CFAP299: variants seen among roughly 807,000 people sequenced by gnomAD.
The protein encoded by CFAP299 is cilia- and flagella-associated protein 299.
CFAP299 carries 21 observed loss-of-function variants against 27.0 expected under a neutral mutation model. The observed-to-expected ratio is 0.78, with a 90% CI of 0.55 to 1.12. The LOEUF (loss-of-function observed/expected upper bound fraction) is 1.12, where lower values mean the gene tolerates loss of function less well. Ranked by LOEUF, CFAP299 falls within the 50% of genes most tolerant of loss-of-function variation. The probability of loss-of-function intolerance (pLI) is 0.00; values close to 1 mark genes in which losing one functional copy is unlikely to be tolerated. For missense variants in CFAP299, 310 were observed against 276.6 expected (o/e 1.12, Z -0.86); for synonymous variants, 104 against 98.1 (o/e 1.06, Z -0.36).
Position 80,635,553 on chromosome 4 carries a change from A to C in CFAP299, c.333+52370A>C, listed in dbSNP as rs10516644. 1.4e-3 allele frequency among the ~76,000 whole-genome samples: 206 copies of C among 152,302 alleles called. 3 individuals carry two copies. In the East Asian group the frequency reaches 0.032, roughly 24 times the overall value. ...TTAAAATTTAAGATAACTTCTCCAA[A>C]ACAAAATGGGTCACAGTTTTAATAT... On this transcript the variant is annotated intron_variant, in intron 3 of 5. Transcript: ENST00000358105.
chr4:80,662,551 T>C (rs1375534819), intron 3 of CFAP299, among the ~76,000 whole-genome samples: 1 of 152,152 alleles, frequency 6.6e-6, no homozygotes, highest in African/African-American at 2.4e-5. Flanking sequence ...AGTGGAGGGT[T>C]AAAGCAAAAT....
Position 80,784,718 on chromosome 4 carries a change from T to C in CFAP299, c.334-85275T>C, listed in dbSNP as rs539671702. Among the ~76,000 whole-genome samples the C allele has an allele frequency of 2.8e-4, 43 of 152,144 alleles. 1 individual carries two copies. The highest frequency in any genetic ancestry group is 9.9e-4 in the African/African-American group (41 of 41,516). On this transcript the variant is annotated intron_variant, in intron 3 of 5. Coordinates refer to ENST00000358105, the MANE Select transcript of CFAP299 (RefSeq NM_152770.3). ...TTCTAGTGGAGACTAGAAATGGGTTTCTCCATGTTGGTCAGTCTGGTCTCC... is the reference window on the plus strand; with the variant it reads ...TTCTAGTGGAGACTAGAAATGGGTTCCTCCATGTTGGTCAGTCTGGTCTCC...
Position 80,784,894 on chromosome 4 carries a change from A to G in CFAP299, c.334-85099A>G, listed in dbSNP as rs543714913. 6.6e-5 allele frequency among the ~76,000 whole-genome samples: 10 copies of G among 152,110 alleles called. 1 individual carries two copies. Among genetic ancestry groups the G allele is most frequent in the African/African-American group, 2.2e-4 (9 of 41,518 alleles). On this transcript the variant is annotated intron_variant, in intron 3 of 5. Transcript: ENST00000358105. ...CCTTTGCCCATTACTTAATCAGGTTATTTGTTTTTTTCCTAATGAGTTGTA... is the reference window on the plus strand; with the variant it reads ...CCTTTGCCCATTACTTAATCAGGTTGTTTGTTTTTTTCCTAATGAGTTGTA...
intron 4 of CFAP299, among the ~76,000 whole-genome samples, chr4:80,926,844 A>G (rs1736333695): frequency 6.6e-6 from 1 of 152,106 alleles, no homozygotes; most frequent in Non-Finnish European, 1.5e-5. Context: ...TAAAACATTG[A>G]ACATTTTATT....
intron 3 of CFAP299, among the ~76,000 whole-genome samples, chr4:80,620,749 C>G (rs556352503): frequency 3.4e-4 from 52 of 152,236 alleles, no homozygotes; most frequent in South Asian, 1.7e-3. Context: ...AGAAAGTCAA[C>G]AGAACACTGG....
intron 2 of CFAP299, among the ~76,000 whole-genome samples, chr4:80,366,559 C>G (rs1285146355): frequency 1.3e-5 from 2 of 152,094 alleles, no homozygotes; most frequent in Non-Finnish European, 1.5e-5. Context: ...CAATAGAAAA[C>G]AAGACTTAGT....
At chr4:80,928,261 G>C (rs757277243) in intron 4 of CFAP299, among the ~76,000 whole-genome samples, 6 of 152,068 alleles carry the variant, frequency 3.9e-5, no homozygotes, top group Admixed American at 6.6e-5. Flanking sequence ...CAGCCACAGT[G>C]TCTGAGCCTG....
intron 3 of CFAP299, among the ~76,000 whole-genome samples, chr4:80,674,064 A>G (rs1389601894): frequency 6.6e-6 from 1 of 152,128 alleles, no homozygotes; most frequent in African/African-American, 2.4e-5. Flanking sequence ...TCCTGTCATT[A>G]TGATGTTAGC....
At chr4:80,426,468 A>G (rs970190886) in intron 2 of CFAP299, among the ~76,000 whole-genome samples, 2 of 152,244 alleles carry the variant, frequency 1.3e-5, no homozygotes, top group Non-Finnish European at 2.9e-5. Flanking sequence ...AAGCTAGAAT[A>G]CAGTGAATTT....
At chr4:80,544,611 A>T (rs1734146483) in intron 2 of CFAP299, among the ~76,000 whole-genome samples, 1 of 152,326 alleles carries the variant, frequency 6.6e-6, no homozygotes, top group East Asian at 1.9e-4. Flanking sequence ...AATGATCAAA[A>T]AGGACAAAGA....
At chr4:80,436,297 CTTTTT>C (rs781551098) in intron 2 of CFAP299, among the ~76,000 whole-genome samples, 1 of 136,424 alleles carries the variant, frequency 7.3e-6, no homozygotes. Context: ...TGTGGGATAT[CTTTTT>C]TTTTTTTTTT....
chr4:80,641,351 C>T (rs1198011515), intron 3 of CFAP299, among the ~76,000 whole-genome samples: 1 of 151,984 alleles, frequency 6.6e-6, no homozygotes, highest in African/African-American at 2.4e-5. Context: ...ACTACAGGCA[C>T]ACACCACCAT....
intron 5 of CFAP299, among the ~76,000 whole-genome samples, chr4:80,956,856 T>G (rs1403781702): frequency 2.0e-5 from 3 of 152,102 alleles, no homozygotes; most frequent in Non-Finnish European, 4.4e-5. Flanking sequence ...GTAGAAAACT[T>G]TTGGCTATCA....
intron 3 of CFAP299, among the ~76,000 whole-genome samples, chr4:80,587,054 G>A (rs1010175726): frequency 4.6e-5 from 7 of 152,096 alleles, no homozygotes; most frequent in Admixed American, 2.0e-4. Context: ...ATAAGATTGC[G>A]TTGTATATGA....
rs1286525908 is a variant in CFAP299, at chr4:80,693,537, G to T, written c.333+110354G>T. ...ACAGGAAGGGGAACATCACACTCTG[G>T]GGACTGTGGTGGGGTGGGGGAGGGG... On this transcript the variant is annotated intron_variant, in intron 3 of 5. Coordinates refer to ENST00000358105, the MANE Select transcript of CFAP299 (RefSeq NM_152770.3). Among the ~76,000 whole-genome samples the T allele has an allele frequency of 1.1e-4, 16 of 140,838 alleles. No individual in the cohort carries two copies. In the Admixed American group the frequency reaches 1.1e-3, roughly 10 times the overall value. The allele number at this position is 140,838 out of a possible 152,430, so 92.4% of individuals were successfully genotyped here.
intron 3 of CFAP299, among the ~76,000 whole-genome samples, chr4:80,691,756 C>G (rs1211368786): frequency 6.6e-6 from 1 of 152,180 alleles, no homozygotes; most frequent in African/African-American, 2.4e-5. Context: ...GTCAAATTGT[C>G]CCTGTTTGCA....
intron 3 of CFAP299, among the ~76,000 whole-genome samples, chr4:80,684,982 A>G (rs1320734895): frequency 6.6e-6 from 1 of 152,218 alleles, no homozygotes; most frequent in African/African-American, 2.4e-5. Context: ...TATAAACGGT[A>G]CAATAATGTA....
intron 3 of CFAP299, among the ~76,000 whole-genome samples, chr4:80,698,462 T>C (rs1721252859): frequency 6.6e-6 from 1 of 152,220 alleles, no homozygotes; most frequent in South Asian, 2.1e-4. Context: ...CAAGTTAATT[T>C]GACTTTTTCT....
intron 3 of CFAP299, among the ~76,000 whole-genome samples, chr4:80,790,112 A>T (rs1727470362): frequency 6.6e-6 from 1 of 151,992 alleles, no homozygotes; most frequent in Admixed American, 6.6e-5. Context: ...GTGTAAACTA[A>T]GATTTAGCAC....
Sources: allele counts gnomAD v4.1 joint callset (sites outside exome capture counted in the v4.1 genomes callset), GRCh38; gene constraint gnomAD v4.1.1; transcripts MANE v1.5; gene names NCBI Gene and HGNC (gene_info 2026-07-23, HGNC 2026-07-21).